The following TMTC1 variants were observed in gnomAD, a reference collection of about 807,000 sequenced individuals.
TMTC1 encodes the protein transmembrane O-mannosyltransferase targeting cadherins 1, also known as protein O-mannosyl-transferase TMTC1.
Under a neutral mutation model 104.8 loss-of-function variants are expected in TMTC1, and 73 were observed. The ratio of observed to expected loss-of-function variants is 0.70; its 90% CI spans 0.58 to 0.85. The LOEUF (loss-of-function observed/expected upper bound fraction) is 0.85, where lower values mean the gene tolerates loss of function less well. TMTC1 is among the 40% of genes least tolerant of loss of function. The probability of loss-of-function intolerance (pLI) is 0.00; values close to 1 mark genes in which losing one functional copy is unlikely to be tolerated. For synonymous variants in TMTC1, 434 were observed against 428.7 expected (o/e 1.01, Z -0.15); for missense variants, 1,035 against 1,096.1 (o/e 0.94, Z 0.79).
intron 5 of TMTC1, among the ~76,000 whole-genome samples, chr12:29,719,253 T>C (rs1265819984): frequency 6.6e-6 from 1 of 152,222 alleles, no homozygotes; most frequent in African/African-American, 2.4e-5. Flanking sequence ...CTTTAAGCTT[T>C]CTCATGGTGT....
At chr12:29,618,629 C>A (rs1359911431) in intron 6 of TMTC1, among the ~76,000 whole-genome samples, 1 of 151,824 alleles carries the variant, frequency 6.6e-6, no homozygotes, top group Non-Finnish European at 1.5e-5. Flanking sequence ...TTTATAGGCT[C>A]CTTGGGCACT....
chr12:29,729,646 C>G (rs1484593264), intron 5 of TMTC1, among the ~76,000 whole-genome samples: 1 of 152,264 alleles, frequency 6.6e-6, no homozygotes, highest in East Asian at 1.9e-4. Context: ...GCTGTGACTT[C>G]CATGGGGTTA....
intron 8 of TMTC1, among the ~76,000 whole-genome samples, chr12:29,575,137 C>T (rs1419163027): frequency 6.6e-6 from 1 of 152,052 alleles, no homozygotes; most frequent in Non-Finnish European, 1.5e-5. Context: ...GGACTTGGAC[C>T]CGAGGAGTTT....
chr12:29,689,937 G>A (rs1395482181), intron 5 of TMTC1, among the ~76,000 whole-genome samples: 1 of 152,142 alleles, frequency 6.6e-6, no homozygotes, highest in Non-Finnish European at 1.5e-5. Context: ...TTACAAGGTA[G>A]ATCATTGCAT....
intron 7 of TMTC1, among the ~76,000 whole-genome samples, chr12:29,588,283 C>T (rs1371636422): frequency 6.6e-6 from 1 of 152,216 alleles, no homozygotes; most frequent in Non-Finnish European, 1.5e-5. Flanking sequence ...AAAACCTCTT[C>T]TCACTTCCAC....
intron 13 of TMTC1, 128 bp from the exon 14 acceptor site, chr12:29,517,699 T>A: frequency 9.2e-7 from 1 of 1,086,554 alleles, no homozygotes; most frequent in Non-Finnish European, 1.3e-6. Context: ...TGTTTTTATA[T>A]CAATAACAAG....
Position 29,516,385 on chromosome 12 carries a change from C to G in TMTC1, c.2271G>C (p.Leu757Phe), listed in dbSNP as rs572697541. 6.2e-7 allele frequency: 1 copy of G among 1,613,774 alleles called. No individual in the cohort carries two copies. Among genetic ancestry groups the G allele is most frequent in the Non-Finnish European group, 8.5e-7 (1 of 1,179,922 alleles). ...ETGCLECYRL[L>F]SAIYSKQENH... is the part of the protein sequence containing the mutation. The stretch of plus-strand genomic sequence containing the variant: ...TCTCCTGCTTGCTATAGATGGCTGA[C>G]AAGAGGCGATAGCATTCAAGGCATC... The change falls in exon 15 of 18, where the codon TTG becomes TTC. Residue 757 changes from leucine (L) to phenylalanine (F), a missense_variant. Transcript: ENST00000539277.
chr12:29,592,372 T>C (rs1321992042), intron 7 of TMTC1, among the ~76,000 whole-genome samples: 1 of 152,200 alleles, frequency 6.6e-6, no homozygotes, highest in East Asian at 1.9e-4. Context: ...AAGAAAAGAA[T>C]CCCCAAAGAC....
chr12:29,541,656 CTTT>C (rs35079677), intron 10 of TMTC1, among the ~76,000 whole-genome samples: 27 of 115,612 alleles, frequency 2.3e-4, no homozygotes, highest in African/African-American at 8.3e-4. Context: ...TTCACTGTTG[CTTT>C]TTTTTTTTTT....
chr12:29,520,009 A>G (rs1453401246), intron 12 of TMTC1, among the ~76,000 whole-genome samples: 2 of 152,252 alleles, frequency 1.3e-5, no homozygotes, highest in Non-Finnish European at 2.9e-5. Flanking sequence ...ACATTTAAAT[A>G]TAATTTCATT....
chr12:29,649,151 C>T (rs1203832923), intron 5 of TMTC1, among the ~76,000 whole-genome samples: 1 of 152,168 alleles, frequency 6.6e-6, no homozygotes, highest in African/African-American at 2.4e-5. Flanking sequence ...ACTATCCTGA[C>T]TTGTTATTGT....
intron 1 of TMTC1, among the ~76,000 whole-genome samples, chr12:29,779,526 C>T (rs1943786024): frequency 6.6e-6 from 1 of 152,160 alleles, no homozygotes; most frequent in Non-Finnish European, 1.5e-5. Context: ...TCTTTACTAC[C>T]TAAGCAAGCA....
intron 1 of TMTC1, among the ~76,000 whole-genome samples, chr12:29,780,701 A>G (rs1943815975): frequency 6.6e-6 from 1 of 152,220 alleles, no homozygotes; most frequent in African/African-American, 2.4e-5. Flanking sequence ...ATCTGACTAA[A>G]TGCTGTAGAT....
At chr12:29,547,783 G>A (rs1367601149) in intron 10 of TMTC1, among the ~76,000 whole-genome samples, 1 of 152,204 alleles carries the variant, frequency 6.6e-6, no homozygotes, top group East Asian at 1.9e-4. Context: ...ATGTGTGTAC[G>A]CAATGGATAT....
chr12:29,743,056 C>A (rs750024584), intron 5 of TMTC1, among the ~76,000 whole-genome samples: 3 of 152,094 alleles, frequency 2.0e-5, no homozygotes, highest in Non-Finnish European at 4.4e-5. Flanking sequence ...TTATGAAAAC[C>A]CACAATTAAG....
chr12:29,775,884 T>C (rs918518167), intron 1 of TMTC1, among the ~76,000 whole-genome samples: 1 of 152,038 alleles, frequency 6.6e-6, no homozygotes, highest in African/African-American at 2.4e-5. Flanking sequence ...AACTCCTCCT[T>C]AGCATAAACT....
At position 29,767,585 on chromosome 12, in the gene TMTC1, G is replaced by A. The variant is rs143587776; in HGVS notation, c.480+313C>T. Among the ~76,000 whole-genome samples, 120 of 152,232 alleles carry A rather than the reference G, an allele frequency of 7.9e-4. No individual in the cohort carries two copies. In the East Asian group the frequency reaches 0.02, roughly 26 times the overall value. On this transcript the variant is annotated intron_variant, in intron 2 of 17. Transcript: ENST00000539277. ...AAACTGTGGCCATTCATTACTACCC[G>A]TAATAATAACAGCAGTTATTTAGAA...
chr12:29,606,351 T>C (rs1946698437), intron 6 of TMTC1, among the ~76,000 whole-genome samples: 1 of 152,198 alleles, frequency 6.6e-6, no homozygotes, highest in African/African-American at 2.4e-5. Flanking sequence ...TACCTTCAAG[T>C]ACATAATTTT....
rs1032509934 is a variant in TMTC1, at chr12:29,506,715, A to C, written c.*131T>G. The C allele has an allele frequency of 2.5e-6, 3 of 1,218,890 alleles. No individual in the cohort carries two copies. Among genetic ancestry groups the C allele is most frequent in the Non-Finnish European group, 3.5e-6 (3 of 853,340 alleles). 75.5% of individuals were successfully genotyped at this position (1,218,890 alleles called of 1,614,324 possible). A position where few individuals can be genotyped will look rare whatever the true frequency, so the allele number is the denominator to read the frequency against. On this transcript the variant is annotated 3_prime_UTR_variant, in exon 18 of 18. Transcript: ENST00000539277. ...CTGGGCTACCAGCAGATGTCCCAAA[A>C]TGTGTCACCCTGAACTCGGAATGAG...
Sources: gnomAD v4.1 joint callset for allele counts (sites outside exome capture counted in the v4.1 genomes callset) on GRCh38, gnomAD v4.1.1 for gene constraint, MANE v1.5 for transcripts, NCBI Gene and HGNC (gene_info 2026-07-23, HGNC 2026-07-21) for gene names.